The following SUSD1 variants were observed in gnomAD, a reference collection of about 807,000 sequenced individuals.
SUSD1 encodes the protein sushi domain-containing protein 1.
SUSD1 carries 65 observed loss-of-function variants against 86.9 expected under a neutral mutation model. The observed-to-expected ratio is 0.75, with a 90% CI of 0.61 to 0.92. The LOEUF is 0.92. SUSD1 is among the 40% of genes least tolerant of loss of function. The pLI, the probability that SUSD1 is intolerant of heterozygous loss-of-function variation, is 0.00. For synonymous variants in SUSD1, 346 were observed against 350.0 expected, an observed-to-expected ratio of 0.99 and a Z score of 0.13; for missense variants, 850 against 929.7, an observed-to-expected ratio of 0.91 and a Z score of 1.11.
intron 15 of SUSD1, chr9:112,052,165 C>A: frequency 6.8e-7 from 1 of 1,463,060 alleles, no homozygotes; most frequent in Non-Finnish European, 9.0e-7. Flanking sequence ...GGTGTTGAGT[C>A]CCCAGTCCCA....
intron 5 of SUSD1, among the ~76,000 whole-genome samples, chr9:112,130,108 C>T (rs941608157): frequency 2.0e-5 from 3 of 152,206 alleles, no homozygotes; most frequent in Non-Finnish European, 4.4e-5. Context: ...GGCATGGTGG[C>T]TCACGCCTGT....
intron 5 of SUSD1, among the ~76,000 whole-genome samples, chr9:112,139,551 C>T (rs1564330319): frequency 6.6e-6 from 1 of 151,800 alleles, no homozygotes; most frequent in Non-Finnish European, 1.5e-5. Flanking sequence ...CTCAAGTGGT[C>T]CTCCCACCTC....
chr9:112,158,536 C>T (rs765880440), intron 1 of SUSD1, among the ~76,000 whole-genome samples: 3 of 152,008 alleles, frequency 2.0e-5, no homozygotes, highest in Admixed American at 1.3e-4. Context: ...GGACTACAGG[C>T]GCACACCACC....
chr9:112,041,603 G>T, intron 16 of SUSD1, 111 bp from the exon 17 acceptor site: 1 of 748,564 alleles, frequency 1.3e-6, no homozygotes, highest in South Asian at 1.4e-5. Context: ...AGGCGAGGGG[G>T]AGCAGCATGG....
intron 15 of SUSD1, among the ~76,000 whole-genome samples, chr9:112,044,617 A>G (rs1334310545): frequency 6.6e-6 from 1 of 152,252 alleles, no homozygotes; most frequent in African/African-American, 2.4e-5. Context: ...AACCATTTAG[A>G]ATCAAATAAT....
chr9:112,119,398 G>A (rs1465504142), intron 6 of SUSD1, among the ~76,000 whole-genome samples: 1 of 152,174 alleles, frequency 6.6e-6, no homozygotes, highest in Admixed American at 6.5e-5. Context: ...CACCCAGTGG[G>A]CTGGAGAAGA....
At chr9:112,174,002 G>A (rs1006068470) in intron 1 of SUSD1, 3 of 177,152 alleles carry the variant, frequency 1.7e-5, no homozygotes, top group African/African-American at 4.8e-5. Flanking sequence ...CTCCCGAAGC[G>A]CCTAGAACTG....
At chr9:112,102,141 A>G in intron 9 of SUSD1, 35 bp downstream of exon 9, 1 of 1,278,298 alleles carries the variant, frequency 7.8e-7, no homozygotes, top group African/African-American at 1.5e-5. Flanking sequence ...TAAATGACAC[A>G]ATTCTTTAAT....
rs1461798443 is a variant in SUSD1 at position 112,112,804 on chromosome 9, G to A, written c.951C>T (p.Asn317=). The A allele has an allele frequency of 1.2e-6, 2 of 1,613,102 alleles. No individual in the cohort carries two copies. The highest frequency in any genetic ancestry group is 8.5e-7 in the Non-Finnish European group (1 of 1,179,120). The change falls in exon 7 of 17, where the codon AAC becomes AAT. Residue 317 remains asparagine (N), a synonymous_variant. Transcript: ENST00000374270. ...FNDTCVRWQI[N]SRRINPKISY... The stretch of plus-strand genomic sequence containing the variant: ...AGATCTTGGGGTTTATTCTTCTTGA[G>A]TTTATTTGCCATCTCACACAGGTAT...
chr9:112,148,673 A>C (rs960211484), intron 3 of SUSD1, among the ~76,000 whole-genome samples: 37 of 152,266 alleles, frequency 2.4e-4, no homozygotes, highest in African/African-American at 7.7e-4. Context: ...TGGGAGGCCG[A>C]GGCGGGCAGA....
chr9:112,154,835 T>C (rs1164283269), intron 2 of SUSD1, among the ~76,000 whole-genome samples: 1 of 152,196 alleles, frequency 6.6e-6, no homozygotes, highest in Non-Finnish European at 1.5e-5. Flanking sequence ...GCCTGCAATC[T>C]ATGTAAGGCA....
rs150275769 is a variant in SUSD1 at position 112,157,519 on chromosome 9, G to A, written c.198C>T (p.Asn66=). Residue 66 remains asparagine, a synonymous_variant, in exon 2 of 17, where the codon AAC becomes AAT. Transcript: ENST00000374270. ...ICICNYGFVG[N]GRTQCVDKNE... is the part of the protein sequence containing the mutation. ...ACTTACCAACACACTGAGTCCTCCC[G>A]TTCCCTACAAATCCATAGTTGCAAA... is the stretch of plus-strand genomic sequence containing the variant. 2.2e-4 allele frequency: 361 copies of A among 1,613,652 alleles called. No individual in the cohort carries two copies. In the African/African-American group the frequency reaches 4.1e-3, roughly 18 times the overall value.
intron 14 of SUSD1, among the ~76,000 whole-genome samples, chr9:112,053,958 A>G (rs1010978738): frequency 6.6e-6 from 1 of 152,232 alleles, no homozygotes; most frequent in African/African-American, 2.4e-5. Flanking sequence ...AAGTTGGTAG[A>G]ATTGACATGA....
chr9:112,157,391 CAT>C (rs957875828), intron 2 of SUSD1, 107 bp downstream of exon 2: 24 of 725,898 alleles, frequency 3.3e-5, no homozygotes, highest in Middle Eastern at 2.4e-4. Flanking sequence ...ATAATAAAAA[CAT>C]GTGAACAAAA....
chr9:112,052,010 A>G, intron 15 of SUSD1: 1 of 537,000 alleles, frequency 1.9e-6, no homozygotes, highest in Non-Finnish European at 2.8e-6. Flanking sequence ...CCGAATTGAA[A>G]AGCTATGTTT....
chr9:112,168,950 G>A (rs546691916), intron 1 of SUSD1, among the ~76,000 whole-genome samples: 8 of 152,122 alleles, frequency 5.3e-5, no homozygotes, highest in African/African-American at 1.4e-4. Context: ...ATCAAACAAC[G>A]GGAGGAAATA....
At chr9:112,146,759 C>A (rs1832826763) in intron 3 of SUSD1, among the ~76,000 whole-genome samples, 1 of 152,172 alleles carries the variant, frequency 6.6e-6, no homozygotes, top group Non-Finnish European at 1.5e-5. Context: ...CCTCAGCCTT[C>A]CAAGTAGCTA....
intron 6 of SUSD1, among the ~76,000 whole-genome samples, chr9:112,123,738 G>A (rs935575260): frequency 6.6e-6 from 1 of 152,136 alleles, no homozygotes; most frequent in Non-Finnish European, 1.5e-5. Flanking sequence ...AACCCAGGAG[G>A]TGGAGGTTGC....
At chr9:112,151,242 C>T (rs1833030310) in intron 2 of SUSD1, among the ~76,000 whole-genome samples, 1 of 152,224 alleles carries the variant, frequency 6.6e-6, no homozygotes, top group African/African-American at 2.4e-5. Flanking sequence ...TGAGCCACCA[C>T]ATCCAGCCTT....
Sources: gnomAD v4.1 joint callset for allele counts (sites outside exome capture counted in the v4.1 genomes callset) on GRCh38, gnomAD v4.1.1 for gene constraint, MANE v1.5 for transcripts, NCBI Gene and HGNC (gene_info 2026-07-23, HGNC 2026-07-21) for gene names.